MYH3: variants seen among roughly 807,000 people sequenced by gnomAD.
MYH3 encodes myosin-3.
In MYH3, 130 loss-of-function variants were observed where a neutral mutation model predicts 238.0. That is an observed-to-expected ratio of 0.55 (90% CI 0.47 to 0.63). The LOEUF is 0.63. Among genes scored for constraint, MYH3 ranks in the 30% least tolerant of loss-of-function variants. The pLI, the probability that MYH3 is intolerant of heterozygous loss-of-function variation, is 0.00. For missense variants in MYH3, 1,853 were observed against 2,374.9 expected (o/e 0.78, Z 4.57); for synonymous variants, 880 against 924.1 (o/e 0.95, Z 0.86).
At chr17:10,633,761 G>A (rs1033250370) in intron 32 of MYH3, 46 bp from the exon 33 acceptor site, 2 of 1,611,404 alleles carry the variant, frequency 1.2e-6, no homozygotes, top group Non-Finnish European at 1.7e-6. Context: ...CTCTGCGTGG[G>A]TTTCCAGACA....
chr17:10,641,538 G>A lies in MYH3; in HGVS notation c.1960-166C>T, dbSNP rs537158676. Among the ~76,000 whole-genome samples the A allele has an allele frequency of 5.9e-5, 8 of 135,460 alleles. No individual in the cohort carries two copies. The East Asian group carries it at 1.1e-3, about 18-fold the overall frequency. 88.9% of individuals were successfully genotyped at this position (135,460 alleles called of 152,430 possible). A position where few individuals can be genotyped will look rare whatever the true frequency, so the allele number is the denominator to read the frequency against. On this transcript the variant is annotated intron_variant, in intron 17 of 40. Coordinates refer to ENST00000583535, the MANE Select transcript of MYH3 (RefSeq NM_002470.4). ...TTTTTTTTTTTTTTTTTTTTGAGACGGAGTCTCGCTCTGTCACCCATGCTG... is the reference window on the plus strand; with the variant it reads ...TTTTTTTTTTTTTTTTTTTTGAGACAGAGTCTCGCTCTGTCACCCATGCTG...
Position 10,642,244 on chromosome 17 carries a change from A to G in MYH3, c.1955T>C (p.Phe652Ser), listed in dbSNP as rs2074279744. 1 of 1,613,618 alleles carries G rather than the reference A, an allele frequency of 6.2e-7. No homozygotes were observed. The change falls in exon 17 of 41, where the codon TTC (phenylalanine) becomes TCC (serine). Residue 652 changes from phenylalanine to serine, a missense_variant. By Grantham distance (155) the Phe-to-Ser change is radical. Coordinates refer to ENST00000583535, the MANE Select transcript of MYH3 (RefSeq NM_002470.4). This position sits in a 1 kb window ranked among gnomAD's most constrained non-coding sequence, Gnocchi z 5.4. ...GSSFQTVSAL[F>S]RENLNKLMSN... ...ATAAACTTGTATTTTTCTTACCCTGAAAAGGGCAGAGACAGTTTGGAAGGA... is the reference window on the plus strand; with the variant it reads ...ATAAACTTGTATTTTTCTTACCCTGGAAAGGGCAGAGACAGTTTGGAAGGA...
chr17:10,644,014 G>A (rs992620276), intron 14 of MYH3, among the ~76,000 whole-genome samples: 8 of 152,002 alleles, frequency 5.3e-5, no homozygotes, highest in Non-Finnish European at 8.8e-5. Flanking sequence ...ACAAAAATTA[G>A]CCAGGCATGG....
At chr17:10,644,787 C>A in intron 12 of MYH3, 85 bp from the exon 13 acceptor site, 1 of 1,051,268 alleles carries the variant, frequency 9.5e-7, no homozygotes, top group Non-Finnish European at 1.5e-6. Context: ...TGGTTAAGTT[C>A]ATCTTGGTAC....
Position 10,657,273 on chromosome 17 carries a change from G to A in MYH3, c.-68+16C>T, listed in dbSNP as rs2074442150. The A allele has an allele frequency of 6.6e-6, 1 of 152,310 alleles. No individual in the cohort carries two copies. The highest frequency in any genetic ancestry group is 2.4e-5 in the African/African-American group (1 of 41,412). 9.4% of individuals were successfully genotyped at this position (152,310 alleles called of 1,614,324 possible). The stretch of plus-strand genomic sequence containing the variant: ...CTCCAAGCAGCTGAGACCTAGAAGA[G>A]GAGCCTGTGACTTACCTCCGCCCAC... On this transcript the variant is annotated intron_variant, in intron 1 of 40. Transcript: ENST00000583535.
rs756111159 is a variant in MYH3 at position 10,639,297 on chromosome 17, C to T, written c.3102+1G>A. 3.7e-6 allele frequency: 6 copies of T among 1,614,030 alleles called. No individual in the cohort carries two copies. The highest frequency in any genetic ancestry group is 1.7e-5 in the Admixed American group (1 of 59,998). On this transcript the variant is annotated splice_donor_variant, in intron 24 of 40. Transcript: ENST00000583535. LOFTEE classifies it high-confidence loss of function. The stretch of plus-strand genomic sequence containing the variant: ...ACTCCCGATGAGCATTATTTACTTA[C>T]GTCTTCCACTTGCTGTTCCAGTTTG...
Position 10,639,348 on chromosome 17 carries a change from C to T in MYH3, c.3052G>A (p.Val1018Ile), listed in dbSNP as rs1163381969. 1.9e-6 allele frequency: 3 copies of T among 1,614,068 alleles called. No homozygotes were observed. The highest frequency in any genetic ancestry group is 2.5e-6 in the Non-Finnish European group (3 of 1,180,046). Residue 1018 changes from valine to isoleucine, a missense_variant, in exon 24 of 41, where the codon GTC becomes ATC. Val to Ile is a conservative substitution (Grantham distance 29). This residue lies in a region of MYH3 where 1,044 missense variants were observed against 1,192.6 expected (regional missense o/e 0.88). Transcript: ENST00000583535. ...CTCTTGGTTTTGTTCAAAGAATTGA[C>T]TTTGTCTTCTTCAGCTTGGAGGTCA... is the stretch of plus-strand genomic sequence containing the variant. ...LDDLQAEEDK[V>I]NSLNKTKSKL...
intron 12 of MYH3, 134 bp from the exon 13 acceptor site, chr17:10,644,836 C>A: frequency 1.4e-6 from 1 of 737,338 alleles, no homozygotes; most frequent in Non-Finnish European, 2.4e-6. Context: ...TATACATGGC[C>A]AATGGAAGCT....
the MYH3 span, among the ~76,000 whole-genome samples, chr17:10,668,653 G>A: frequency 8.5e-5 from 13 of 152,322 alleles, no homozygotes; most frequent in Non-Finnish European, 1.6e-4. Context: ...TGTAAATAGC[G>A]TTACAGTTAC....
At chr17:10,629,515 G>C (rs766391547) in intron 40 of MYH3, 82 bp downstream of exon 40, 23 of 1,579,588 alleles carry the variant, frequency 1.5e-5, no homozygotes, top group South Asian at 1.1e-4. Flanking sequence ...CAGCTCTAAA[G>C]TAAAGGGTTC....
At chr17:10,633,914 CAT>C (rs1386197840) in intron 32 of MYH3, 101 bp downstream of exon 32, 125 of 1,510,158 alleles carry the variant, frequency 8.3e-5, no homozygotes, top group Admixed American at 3.7e-4. Context: ...CATTAACACA[CAT>C]GTGTGCAGGA....
chr17:10,631,496 G>A, intron 36 of MYH3, 115 bp downstream of exon 36: 2 of 1,503,074 alleles, frequency 1.3e-6, no homozygotes, highest in Middle Eastern at 2.0e-4. Flanking sequence ...GAGCCCTCGG[G>A]GAGCAGAATG....
At chr17:10,644,549 G>A (rs377509824) in intron 13 of MYH3, 35 bp downstream of exon 13, 238 of 1,613,200 alleles carry the variant, frequency 1.5e-4, no homozygotes, top group Non-Finnish European at 1.9e-4. Flanking sequence ...TGGCCAGCAG[G>A]GTCCTGCACC....
At position 10,635,456 on chromosome 17, in the gene MYH3, C is replaced by T. The variant is rs151186379; in HGVS notation, c.4083G>A (p.Ala1361=). The T allele has an allele frequency of 1.1e-4, 173 of 1,613,998 alleles. No homozygotes were observed. The highest frequency in any genetic ancestry group is 1.2e-4 in the Non-Finnish European group (147 of 1,179,970). ...EQEGKAELQR[A]LSKANSEVAQ... is the part of the protein sequence containing the mutation. ...CAACCTCACTATTGGCCTTGGACAG[C>T]GCCCTCTGCAGCTCAGCTTTGCCTT... The change falls in exon 30 of 41, where the codon GCG becomes GCA. Residue 1361 remains alanine (A), a synonymous_variant. Transcript: ENST00000583535.
chr17:10,642,693 C>G lies in MYH3; in HGVS notation c.1612G>C (p.Glu538Gln). 1 of 1,614,190 alleles carries G rather than the reference C, an allele frequency of 6.2e-7. No homozygotes were observed. Among genetic ancestry groups the G allele is most frequent in the Non-Finnish European group, 8.5e-7 (1 of 1,180,038 alleles). The change falls in exon 16 of 41, where the codon GAG becomes CAG. Residue 538 changes from glutamate (E) to glutamine (Q), a missense_variant. Coordinates refer to ENST00000583535, the MANE Select transcript of MYH3 (RefSeq NM_002470.4). This position sits in a 1 kb window ranked among gnomAD's most constrained non-coding sequence, Gnocchi z 5.4. ...PMGIFSILEE[E>Q]CMFPKATDTS... Reference sequence around the variant, plus strand: ...TCTGTTGCCTTGGGGAACATGCACTCCTCTTCCAGGATGGAGAAGATGCCC... The same window carrying G: ...TCTGTTGCCTTGGGGAACATGCACTGCTCTTCCAGGATGGAGAAGATGCCC...
chr17:10,648,603 G>C lies in MYH3; in HGVS notation c.689C>G (p.Ala230Gly), dbSNP rs1212162439. ...QIISANPLLE[A>G]FGNAKTVRND... ...CCTCACAGTCTTGGCGTTCCCAAAG[G>C]CCTCCAGCAGGGGATTGGCACTGAT... Residue 230 changes from alanine (A) to glycine (G), a missense_variant, in exon 8 of 41, where the codon GCC (alanine) becomes GGC (glycine). By Grantham distance (60) the Ala-to-Gly change is moderately conservative. Around this residue, in one of 3 missense-constraint regions of MYH3, gnomAD observed 678 missense variants for 1,058.9 expected, o/e 0.64. Transcript: ENST00000583535. 6.2e-7 allele frequency: 1 copy of C among 1,614,066 alleles called. No individual in the cohort carries two copies. The highest frequency in any genetic ancestry group is 8.5e-7 in the Non-Finnish European group (1 of 1,179,976).
intron 10 of MYH3, among the ~76,000 whole-genome samples, chr17:10,646,507 G>C (rs1202214523): frequency 6.6e-6 from 1 of 152,204 alleles, no homozygotes; most frequent in Non-Finnish European, 1.5e-5. Context: ...GTGAGGGGCA[G>C]ACAAGGGGCA....
In MYH3 at chr17:10,630,534, G is replaced by A. The variant is rs374495463; in HGVS notation, c.5287-76C>T. The A allele has an allele frequency of 1.2e-4, 188 of 1,595,246 alleles. 3 individuals carry two copies. The highest frequency in any genetic ancestry group is 9.4e-4 in the East Asian group (42 of 44,760). ...GGAACTGTCAAAACCTGGGGACCTCGGAGGACCAGAGACCATGCTAAAGAA... is the reference window on the plus strand; with the variant it reads ...GGAACTGTCAAAACCTGGGGACCTCAGAGGACCAGAGACCATGCTAAAGAA... On this transcript the variant is annotated intron_variant, in intron 36 of 40. Coordinates refer to ENST00000583535, the MANE Select transcript of MYH3 (RefSeq NM_002470.4).
chr17:10,662,696 A>G, the MYH3 span, among the ~76,000 whole-genome samples: 1 of 152,210 alleles, frequency 6.6e-6, no homozygotes, highest in Non-Finnish European at 1.5e-5. Context: ...TAAAGATGGA[A>G]TCTTTTTTTA....
Sources: allele counts gnomAD v4.1 joint callset (sites outside exome capture counted in the v4.1 genomes callset), GRCh38; gene constraint gnomAD v4.1.1; regional missense constraint gnomAD v4.1.1; non-coding constraint Gnocchi (gnomAD v3.1); transcripts MANE v1.5; gene names NCBI Gene and HGNC (gene_info 2026-07-23, HGNC 2026-07-21).